Variants in SLC9C1 observed in about 807,000 individuals in gnomAD.
SLC9C1 encodes the protein sodium/hydrogen exchanger 10.
A neutral mutation model predicts 140.9 loss-of-function variants in SLC9C1; 97 were observed. The ratio of observed to expected loss-of-function variants is 0.69; its 90% CI spans 0.58 to 0.82. The LOEUF is 0.82. Among genes scored for constraint, SLC9C1 ranks in the 40% least tolerant of loss-of-function variants. The pLI, the probability that SLC9C1 is intolerant of heterozygous loss-of-function variation, is 0.00. For synonymous variants in SLC9C1, 440 were observed against 442.6 expected (o/e 0.99, Z 0.07); for missense variants, 1,340 against 1,389.3 (o/e 0.96, Z 0.56).
chr3:112,180,390 G>A (rs1295824147), intron 22 of SLC9C1, among the ~76,000 whole-genome samples, 174 bp downstream of exon 22: 2 of 152,106 alleles, frequency 1.3e-5, no homozygotes, highest in Non-Finnish European at 2.9e-5. Context: ...GGGTGTGGTG[G>A]TGCGTGCCTG....
At chr3:112,162,247 T>A (rs566142481) in intron 26 of SLC9C1, among the ~76,000 whole-genome samples, 1 of 152,180 alleles carries the variant, frequency 6.6e-6, no homozygotes, top group Non-Finnish European at 1.5e-5. Context: ...CTTTTCCTAA[T>A]TGACTACCCT....
At chr3:112,203,412 C>T (rs16859316) in intron 17 of SLC9C1, among the ~76,000 whole-genome samples, 8,254 of 152,100 alleles carry the variant, frequency 0.054, 269 homozygotes, top group South Asian at 0.089. Context: ...CCTTAGAATA[C>T]CGAAAAAGCA....
chr3:112,258,322 A>C (rs2079669314), intron 10 of SLC9C1, among the ~76,000 whole-genome samples: 1 of 152,246 alleles, frequency 6.6e-6, no homozygotes, highest in Admixed American at 6.5e-5. Context: ...TTGGATAAAG[A>C]AAATGTACAT....
chr3:112,180,506 A>G (rs1488121838), intron 22 of SLC9C1, 58 bp downstream of exon 22: 4 of 1,418,708 alleles, frequency 2.8e-6, no homozygotes, highest in Non-Finnish European at 3.9e-6. Flanking sequence ...TTGGGCAACA[A>G]GAGAGAAACT....
chr3:112,263,786 A>G (rs1559730140), intron 9 of SLC9C1, among the ~76,000 whole-genome samples: 1 of 151,882 alleles, frequency 6.6e-6, no homozygotes, highest in Admixed American at 6.6e-5. Flanking sequence ...AAACTACAAA[A>G]ATGATTTGAG....
chr3:112,231,249 T>C, intron 13 of SLC9C1, 112 bp downstream of exon 13: 1 of 1,290,484 alleles, frequency 7.7e-7, no homozygotes, highest in Non-Finnish European at 1.1e-6. Context: ...AACTTCCCTT[T>C]GCCTTTGTAA....
At chr3:112,209,627 AT>A (rs2078147487) in intron 15 of SLC9C1, among the ~76,000 whole-genome samples, 1 of 152,226 alleles carries the variant, frequency 6.6e-6, no homozygotes, top group South Asian at 2.1e-4. Context: ...ACTAGAGCTA[AT>A]AAACAAAATA....
In SLC9C1 at chr3:112,169,239, G is replaced by T; in HGVS notation, c.3009C>A (p.Leu1003=). The T allele has an allele frequency of 1.2e-6, 2 of 1,613,514 alleles. No homozygotes were observed. The highest frequency in any genetic ancestry group is 8.5e-7 in the Non-Finnish European group (1 of 1,179,748). ...IKQKMWLKLG[L]AITARKIREH... ...CTCTGATTTTTCTGGCTGTAATAGCGAGTCCAAGTTTTAGCCACATTTTTT... is the reference window on the plus strand; with the variant it reads ...CTCTGATTTTTCTGGCTGTAATAGCTAGTCCAAGTTTTAGCCACATTTTTT... Residue 1003 remains leucine, a synonymous_variant, in exon 24 of 29, where the codon CTC becomes CTA. Transcript: ENST00000305815.
chr3:112,240,039 G>A (rs1348949064), intron 11 of SLC9C1, 33 bp from the exon 12 acceptor site: 1 of 1,557,954 alleles, frequency 6.4e-7, no homozygotes. Context: ...ATAAATAGTA[G>A]AAACACCACA....
At chr3:112,165,124 A>G (rs1485448266) in intron 26 of SLC9C1, among the ~76,000 whole-genome samples, 3 of 140,826 alleles carry the variant, frequency 2.1e-5, no homozygotes, top group African/African-American at 8.0e-5. Flanking sequence ...CAGCTCCCTC[A>G]GGTCCTTTAA....
intron 20 of SLC9C1, among the ~76,000 whole-genome samples, chr3:112,186,706 TA>T (rs958441593): frequency 6.6e-6 from 1 of 152,178 alleles, no homozygotes; most frequent in African/African-American, 2.4e-5. Context: ...TATGAAAACT[TA>T]ACAAGTTTCA....
At chr3:112,251,890 G>A (rs2079469335) in intron 10 of SLC9C1, among the ~76,000 whole-genome samples, 1 of 152,178 alleles carries the variant, frequency 6.6e-6, no homozygotes, top group African/African-American at 2.4e-5. Context: ...TCAGCCCCCT[G>A]AATCATCTCC....
chr3:112,156,100 C>T (rs1313042657), intron 26 of SLC9C1, among the ~76,000 whole-genome samples: 2 of 151,938 alleles, frequency 1.3e-5, no homozygotes, highest in South Asian at 4.2e-4. Flanking sequence ...TAGAACTTTT[C>T]CCCTCTAACT....
At chr3:112,219,379 A>G (rs761578866) in intron 14 of SLC9C1, among the ~76,000 whole-genome samples, 9 of 152,206 alleles carry the variant, frequency 5.9e-5, no homozygotes, top group Non-Finnish European at 8.8e-5. Flanking sequence ...TAATATTAAT[A>G]TTCCCTACAG....
intron 15 of SLC9C1, among the ~76,000 whole-genome samples, chr3:112,216,846 C>T (rs2078387292): frequency 6.6e-6 from 1 of 152,138 alleles, no homozygotes; most frequent in African/African-American, 2.4e-5. Flanking sequence ...CCAGCCATCC[C>T]ATTACTGGGT....
chr3:112,169,069 T>C lies in SLC9C1; in HGVS notation c.3052-7A>G. ...GCATATTGTAGTTCCAATCCTGTTT[T>C]AGAAAACACAATTTCAGTCTATTAT... On this transcript the variant is annotated splice_polypyrimidine_tract_variant and splice_region_variant and intron_variant, in intron 24 of 28. Coordinates refer to ENST00000305815, the MANE Select transcript of SLC9C1 (RefSeq NM_183061.3). The C allele has an allele frequency of 1.3e-6, 2 of 1,579,744 alleles. No individual in the cohort carries two copies. The highest frequency in any genetic ancestry group is 1.7e-4 in the Middle Eastern group (1 of 5,880).
At chr3:112,217,687 T>C (rs918002113) in intron 14 of SLC9C1, 126 bp from the exon 15 acceptor site, 3 of 793,354 alleles carry the variant, frequency 3.8e-6, no homozygotes, top group East Asian at 3.0e-5. Flanking sequence ...TTTTGTGCCA[T>C]GATGGTTGGA....
intron 16 of SLC9C1, among the ~76,000 whole-genome samples, chr3:112,205,316 A>G (rs2078017209): frequency 6.6e-6 from 1 of 152,018 alleles, no homozygotes; most frequent in Non-Finnish European, 1.5e-5. Flanking sequence ...CTTCAAAGAC[A>G]ATAAAATACC....
chr3:112,168,342 CACACACACACACACACACACACACA>C (rs1230609455), intron 25 of SLC9C1, among the ~76,000 whole-genome samples: 1 of 110,522 alleles, frequency 9.0e-6, no homozygotes, highest in Non-Finnish European at 2.0e-5. Flanking sequence ...CACACACACA[CACACACACACACACACACACACACA>C]ACTTCTTTCC....
Sources: gnomAD v4.1 joint callset for allele counts (sites outside exome capture counted in the v4.1 genomes callset) on GRCh38, gnomAD v4.1.1 for gene constraint, MANE v1.5 for transcripts, NCBI Gene and HGNC (gene_info 2026-07-23, HGNC 2026-07-21) for gene names.